Variants in CAPN11 observed in about 807,000 individuals in gnomAD.
CAPN11 encodes calpain 11.
In CAPN11, 108 loss-of-function variants were observed where a neutral mutation model predicts 105.3. The observed-to-expected ratio is 1.03, with a 90% CI of 0.88 to 1.20. CAPN11 has a LOEUF of 1.20. Ranked by LOEUF, CAPN11 falls within the 50% of genes most tolerant of loss-of-function variation. CAPN11 has a pLI of 0.00. For synonymous variants in CAPN11, 329 were observed against 344.5 expected, an observed-to-expected ratio of 0.96 and a Z score of 0.50; for missense variants, 883 against 924.8, an observed-to-expected ratio of 0.95 and a Z score of 0.59.
intron 10 of CAPN11, 34 bp downstream of exon 10, chr6:44,176,689 A>T: frequency 6.4e-7 from 1 of 1,562,616 alleles, no homozygotes; most frequent in South Asian, 1.2e-5. Flanking sequence ...TCTTACCACC[A>T]CCCTAGGCCC....
At chr6:44,164,506 G>A (rs1054413765) in intron 1 of CAPN11, among the ~76,000 whole-genome samples, 1 of 152,220 alleles carries the variant, frequency 6.6e-6, no homozygotes, top group Non-Finnish European at 1.5e-5. Context: ...CACAGAGGAG[G>A]CAGACAGGTC....
At position 44,167,497 on chromosome 6, in the gene CAPN11, CAAAAAAA is replaced by C. The variant is rs61107654; in HGVS notation, c.88+686_88+692del. Among the ~76,000 whole-genome samples the C allele has an allele frequency of 2.6e-4, 7 of 27,076 alleles. No individual in the cohort carries two copies. The South Asian group carries it at 4.4e-3, about 17-fold the overall frequency. 17.8% of individuals were successfully genotyped at this position (27,076 alleles called of 152,430 possible). A position where few individuals can be genotyped will look rare whatever the true frequency, so the allele number is the denominator to read the frequency against. On this transcript the variant is annotated intron_variant, in intron 2 of 22. Coordinates refer to ENST00000398776, the MANE Select transcript of CAPN11 (RefSeq NM_007058.4). ...TGAGCAACAGAATGAGACTCCATCT[CAAAAAAA>C]AAAAAAAAAAAAAAAAATAGCAGCA... is the stretch of plus-strand genomic sequence containing the variant.
chr6:44,184,143 T>C lies in CAPN11; in HGVS notation c.*211T>C, dbSNP rs1279962291. 8.5e-6 allele frequency: 5 copies of C among 585,504 alleles called. No homozygotes were observed. The highest frequency in any genetic ancestry group is 1.5e-5 in the Non-Finnish European group (5 of 329,734). The allele number at this position is 585,504 out of a possible 1,614,324, so 36.3% of individuals were successfully genotyped here. On this transcript the variant is annotated 3_prime_UTR_variant, in exon 23 of 23. Coordinates refer to ENST00000398776, the MANE Select transcript of CAPN11 (RefSeq NM_007058.4). ...CCCAGCTCAGAGGCTTTCTCTTTTT[T>C]CCCCAACCCGGCTTCTGATGGCTGG... is the stretch of plus-strand genomic sequence containing the variant.
chr6:44,180,233 T>G, intron 14 of CAPN11, 70 bp downstream of exon 14: 1 of 1,168,456 alleles, frequency 8.6e-7, no homozygotes, highest in Non-Finnish European at 1.2e-6. Flanking sequence ...CTCAGGGAGC[T>G]GCTGTCGGGT....
chr6:44,166,064 T>C (rs1769780911), intron 1 of CAPN11, among the ~76,000 whole-genome samples: 1 of 151,998 alleles, frequency 6.6e-6, no homozygotes, highest in Admixed American at 6.6e-5. Context: ...TGCGGTGTGT[T>C]GGGATCTTGG....
Position 44,184,178 on chromosome 6 carries a change from A to C in CAPN11, c.*246A>C. 1 of 576,260 alleles carries C rather than the reference A, an allele frequency of 1.7e-6. No individual in the cohort carries two copies. The highest frequency in any genetic ancestry group is 3.1e-6 in the Non-Finnish European group (1 of 322,876). 35.7% of individuals were successfully genotyped at this position (576,260 alleles called of 1,614,324 possible). The stretch of plus-strand genomic sequence containing the variant: ...GGCTTCTGATGGCTGGCTTTCCCCC[A>C]CCATCGCTCTCTCAGAGTATATTTT... On this transcript the variant is annotated 3_prime_UTR_variant, in exon 23 of 23. Transcript: ENST00000398776.
In CAPN11 at chr6:44,182,942, A is replaced by C; in HGVS notation, c.1940A>C (p.Asp647Ala). 6.2e-7 allele frequency: 1 copy of C among 1,602,988 alleles called. No homozygotes were observed. The highest frequency in any genetic ancestry group is 8.5e-7 in the Non-Finnish European group (1 of 1,172,618). Reference sequence around the variant, plus strand: ...TACCATATCTGTCTGTCTCTTCAGGACATCTTCAGAGAGTGTGACCAGGAC... The same window carrying C: ...TACCATATCTGTCTGTCTCTTCAGGCCATCTTCAGAGAGTGTGACCAGGAC... ...ILWKKLKKWM[D>A]IFRECDQDHS... The change falls in exon 20 of 23, where the codon GAC becomes GCC. Residue 647 changes from aspartate (D) to alanine (A), a missense_variant and splice_region_variant. Asp to Ala is a moderately radical substitution (Grantham distance 126, BLOSUM62 -2). Coordinates refer to ENST00000398776, the MANE Select transcript of CAPN11 (RefSeq NM_007058.4).
chr6:44,166,482 G>C (rs1356753108), intron 1 of CAPN11, among the ~76,000 whole-genome samples: 1 of 152,146 alleles, frequency 6.6e-6, no homozygotes, highest in Non-Finnish European at 1.5e-5. Context: ...AGTGCTGTCA[G>C]CTCTGCTGTT....
At chr6:44,164,274 A>C (rs894510589) in intron 1 of CAPN11, among the ~76,000 whole-genome samples, 2 of 152,146 alleles carry the variant, frequency 1.3e-5, no homozygotes, top group Non-Finnish European at 2.9e-5. Context: ...ACAGGCTTTC[A>C]CTCATGAGGG....
At chr6:44,176,206 C>G in intron 8 of CAPN11, 47 bp from the exon 9 acceptor site, 1 of 1,607,104 alleles carries the variant, frequency 6.2e-7, no homozygotes, top group African/African-American at 1.3e-5. Context: ...AGGAGAACGT[C>G]TCCCTGACCC....
At chr6:44,167,120 G>A (rs1377287891) in intron 2 of CAPN11, among the ~76,000 whole-genome samples, 1 of 152,054 alleles carries the variant, frequency 6.6e-6, no homozygotes, top group African/African-American at 2.4e-5. Flanking sequence ...CACCTGCTCA[G>A]CCATTATCTG....
chr6:44,169,304 A>G lies in CAPN11; in HGVS notation c.112A>G (p.Met38Val), dbSNP rs1335424797. The G allele has an allele frequency of 1.2e-6, 2 of 1,611,382 alleles. No homozygotes were observed. The highest frequency in any genetic ancestry group is 1.7e-6 in the Non-Finnish European group (2 of 1,178,998). The change falls in exon 3 of 23, where the codon ATG becomes GTG. Residue 38 changes from methionine (M) to valine (V), a missense_variant. By Grantham distance (21) the Met-to-Val change is conservative. Transcript: ENST00000398776. ...CAEPTFTDTG[M>V]VAHINNSRLK... Reference sequence around the variant, plus strand: ...AGAGCCCACTTTTACTGATACGGGAATGGTGGCTCACATAAACAACAGCCG... The same window carrying G: ...AGAGCCCACTTTTACTGATACGGGAGTGGTGGCTCACATAAACAACAGCCG...
Position 44,173,334 on chromosome 6 carries a change from G to A in CAPN11, c.779G>A (p.Arg260Lys), listed in dbSNP as rs752187272. The change falls in exon 7 of 23, where the codon AGG becomes AAG. Residue 260 changes from arginine to lysine, a missense_variant. By Grantham distance (26) the Arg-to-Lys change is conservative. Transcript: ENST00000398776. ...QLQRPPQNLLRLLRKAVERSS... is the reference protein window; with the variant it reads ...QLQRPPQNLLKLLRKAVERSS... ...CAGAGGCCCCCTCAGAACCTGCTCA[G>A]GCTCCTTAGGAAGGCCGTGGAGCGA... is the stretch of plus-strand genomic sequence containing the variant. The A allele has an allele frequency of 5.6e-5, 91 of 1,613,752 alleles. No individual in the cohort carries two copies. The Middle Eastern group carries it at 6.6e-4, about 12-fold the overall frequency.
At chr6:44,177,088 C>T (rs755027876) in intron 11 of CAPN11, 90 bp downstream of exon 11, 17 of 1,510,332 alleles carry the variant, frequency 1.1e-5, no homozygotes, top group South Asian at 2.4e-5. Context: ...CACGAGTCAC[C>T]GGAGTCAGGG....
rs1400718685 is a variant in CAPN11, at chr6:44,177,225, A to T, written c.1238-17A>T. The T allele has an allele frequency of 1.3e-6, 2 of 1,561,880 alleles. No individual in the cohort carries two copies. Among genetic ancestry groups the T allele is most frequent in the Non-Finnish European group, 1.7e-6 (2 of 1,152,112 alleles). ...GGGAAGCCCCCGTATAACCACGCTGACCCACTTCCGCCACAGGCACGTTCT... is the reference window on the plus strand; with the variant it reads ...GGGAAGCCCCCGTATAACCACGCTGTCCCACTTCCGCCACAGGCACGTTCT... On this transcript the variant is annotated splice_polypyrimidine_tract_variant and intron_variant, in intron 11 of 22. Coordinates refer to ENST00000398776, the MANE Select transcript of CAPN11 (RefSeq NM_007058.4).
chr6:44,182,883 C>T, intron 19 of CAPN11, 58 bp from the exon 20 acceptor site: 1 of 1,327,604 alleles, frequency 7.5e-7, no homozygotes, highest in Non-Finnish European at 1.1e-6. Context: ...CTCAGTATTT[C>T]ATTATTTCAA....
chr6:44,179,825 G>A, intron 13 of CAPN11, 127 bp from the exon 14 acceptor site: 2 of 893,814 alleles, frequency 2.2e-6, no homozygotes, highest in Non-Finnish European at 3.7e-6. Context: ...CTTAGATGGT[G>A]TCCAGGCCAG....
intron 1 of CAPN11, among the ~76,000 whole-genome samples, chr6:44,164,664 C>T (rs185375731): frequency 5.3e-5 from 8 of 152,238 alleles, no homozygotes; most frequent in South Asian, 4.1e-4. Context: ...GACTTTTCCC[C>T]GGTGGACCCA....
chr6:44,182,046 CA>C, intron 19 of CAPN11, among the ~76,000 whole-genome samples: 1 of 29,974 alleles, frequency 3.3e-5, no homozygotes, highest in African/African-American at 4.5e-4. Context: ...CCACACCACA[CA>C]CACACATACA....
Sources: gnomAD v4.1 joint callset for allele counts (sites outside exome capture counted in the v4.1 genomes callset) on GRCh38, gnomAD v4.1.1 for gene constraint, MANE v1.5 for transcripts, NCBI Gene and HGNC (gene_info 2026-07-23, HGNC 2026-07-21) for gene names.